Variants in ABLIM3 observed in about 807,000 individuals in gnomAD.
The protein encoded by ABLIM3 is actin-binding LIM protein 3.
Under a neutral mutation model 109.5 loss-of-function variants are expected in ABLIM3, and 61 were observed. That is an observed-to-expected ratio of 0.56 (90% CI 0.45 to 0.69). The LOEUF is 0.69. Ranked by LOEUF, ABLIM3 falls within the 30% of genes least tolerant of loss-of-function variation. The probability of loss-of-function intolerance (pLI) is 0.00; values close to 1 mark genes in which losing one functional copy is unlikely to be tolerated. For missense variants in ABLIM3, 796 were observed against 889.5 expected (o/e 0.89, Z 1.34); for synonymous variants, 300 against 324.8 (o/e 0.92, Z 0.82).
In ABLIM3 at chr5:149,251,526, G is replaced by A. The variant is rs1035494129; in HGVS notation, c.1849+107G>A. The A allele has an allele frequency of 2.1e-5, 27 of 1,311,630 alleles. No homozygotes were observed. The East Asian group carries it at 3.5e-4, about 17-fold the overall frequency. 81.2% of individuals were successfully genotyped at this position (1,311,630 alleles called of 1,614,324 possible). A position where few individuals can be genotyped will look rare whatever the true frequency, so the allele number is the denominator to read the frequency against. ...TGATGGCTACAGATTCTGTCCCCACGCTGGGCTGTGTCCAACCCTGAGTTC... is the reference window on the plus strand; with the variant it reads ...TGATGGCTACAGATTCTGTCCCCACACTGGGCTGTGTCCAACCCTGAGTTC... On this transcript the variant is annotated intron_variant, in intron 21 of 23. Transcript: ENST00000309868.
chr5:149,159,101 A>G (rs965788667), intron 2 of ABLIM3, among the ~76,000 whole-genome samples: 11 of 152,230 alleles, frequency 7.2e-5, no homozygotes, highest in African/African-American at 2.7e-4. Context: ...TTGATTCAAA[A>G]TAATCCAAAG....
chr5:149,146,831 G>C (rs1752975805), intron 2 of ABLIM3, among the ~76,000 whole-genome samples: 1 of 152,102 alleles, frequency 6.6e-6, no homozygotes, highest in Non-Finnish European at 1.5e-5. Context: ...TTTTAGAATT[G>C]TTTTTCTAAT....
At position 149,250,500 on chromosome 5, in the gene ABLIM3, C is replaced by T. The variant is rs972680490; in HGVS notation, c.1783C>T (p.His595Tyr). ...GCCTGCCTACCGAAGAAATGGGCTG[C>T]ACAGGGTAAGAAGCTGTGCTGGAGG... ...SLPAYRRNGLHRTPSADLFHY... is the reference protein window; with the variant it reads ...SLPAYRRNGLYRTPSADLFHY... Residue 595 changes from histidine (H) to tyrosine (Y), a missense_variant, in exon 20 of 24, where the codon CAC becomes TAC. Coordinates refer to ENST00000309868, the MANE Select transcript of ABLIM3 (RefSeq NM_014945.5). 1 of 1,614,076 alleles carries T rather than the reference C, an allele frequency of 6.2e-7. No homozygotes were observed. Among genetic ancestry groups the T allele is most frequent in the Admixed American group, 1.7e-5 (1 of 60,002 alleles).
intron 3 of ABLIM3, among the ~76,000 whole-genome samples, chr5:149,197,734 C>A (rs1049545293): frequency 2.0e-5 from 3 of 152,194 alleles, no homozygotes; most frequent in Non-Finnish European, 4.4e-5. Context: ...CTGAATGATT[C>A]TTTTATTACA....
intron 2 of ABLIM3, among the ~76,000 whole-genome samples, chr5:149,162,917 C>T (rs892945101): frequency 5.3e-5 from 8 of 152,170 alleles, no homozygotes; most frequent in Non-Finnish European, 1.2e-4. Context: ...GCATCTCTGG[C>T]GTGTCTGTTT....
intron 8 of ABLIM3, among the ~76,000 whole-genome samples, chr5:149,223,468 G>A (rs1467832088): frequency 1.3e-5 from 2 of 152,176 alleles, no homozygotes; most frequent in Non-Finnish European, 2.9e-5. Context: ...GACATTTTAG[G>A]TGACAGAAAC....
At chr5:149,205,037 G>T (rs749222356) in intron 5 of ABLIM3, among the ~76,000 whole-genome samples, 21 of 152,168 alleles carry the variant, frequency 1.4e-4, no homozygotes, top group Non-Finnish European at 2.5e-4. Flanking sequence ...TTTCTCCATG[G>T]AATCCACAAG....
At chr5:149,228,267 T>C (rs1350791006) in intron 8 of ABLIM3, among the ~76,000 whole-genome samples, 1 of 152,140 alleles carries the variant, frequency 6.6e-6, no homozygotes, top group African/African-American at 2.4e-5. Context: ...CTACAGAGAG[T>C]CATTAAAATC....
At chr5:149,159,689 T>C (rs1198976209) in intron 2 of ABLIM3, among the ~76,000 whole-genome samples, 2 of 152,214 alleles carry the variant, frequency 1.3e-5, no homozygotes, top group Non-Finnish European at 2.9e-5. Context: ...GGCTCCATCC[T>C]ATCAGCCTTG....
At chr5:149,150,168 A>G (rs1260360918) in intron 2 of ABLIM3, among the ~76,000 whole-genome samples, 1 of 152,186 alleles carries the variant, frequency 6.6e-6, no homozygotes, top group East Asian at 1.9e-4. Context: ...GGAAGCAGGC[A>G]GAACGGATCT....
chr5:149,152,362 A>G (rs1753511860), intron 2 of ABLIM3, among the ~76,000 whole-genome samples: 1 of 152,224 alleles, frequency 6.6e-6, no homozygotes, highest in African/African-American at 2.4e-5. Context: ...TCTGTTAATG[A>G]TTATGGGAGA....
chr5:149,254,551 G>A (rs533686383), intron 23 of ABLIM3, among the ~76,000 whole-genome samples: 13 of 152,184 alleles, frequency 8.5e-5, no homozygotes, highest in South Asian at 2.1e-4. Context: ...ACTTGATGGC[G>A]TGGAATTGGC....
At chr5:149,211,727 C>G (rs543802972) in intron 7 of ABLIM3, among the ~76,000 whole-genome samples, 32 of 151,628 alleles carry the variant, frequency 2.1e-4, no homozygotes, top group Non-Finnish European at 3.7e-4. Context: ...GTAGACTCAG[C>G]AGGAGGGGAT....
intron 3 of ABLIM3, among the ~76,000 whole-genome samples, chr5:149,190,501 G>A (rs1214824858): frequency 5.3e-5 from 8 of 152,038 alleles, no homozygotes; most frequent in African/African-American, 1.2e-4. Context: ...GCAACATAGC[G>A]AAGCCTCTTC....
intron 2 of ABLIM3, among the ~76,000 whole-genome samples, chr5:149,169,389 C>T (rs1010863808): frequency 1.3e-5 from 2 of 152,078 alleles, no homozygotes; most frequent in African/African-American, 4.8e-5. Context: ...GCAGTTCCAG[C>T]ATCACATGTG....
At chr5:149,242,859 G>A (rs1273320117) in intron 15 of ABLIM3, among the ~76,000 whole-genome samples, 1 of 152,154 alleles carries the variant, frequency 6.6e-6, no homozygotes, top group Non-Finnish European at 1.5e-5. Context: ...ACACTCCAAG[G>A]CATTAATACT....
intron 16 of ABLIM3, among the ~76,000 whole-genome samples, chr5:149,246,037 C>A (rs1351902804): frequency 6.6e-5 from 10 of 152,126 alleles, no homozygotes; most frequent in Non-Finnish European, 1.3e-4. Context: ...ATAGTGTATG[C>A]CTGTAGTCCC....
At chr5:149,175,223 G>C (rs989698115) in intron 2 of ABLIM3, among the ~76,000 whole-genome samples, 5 of 152,060 alleles carry the variant, frequency 3.3e-5, no homozygotes, top group Non-Finnish European at 5.9e-5. Flanking sequence ...GTAGCCGGAT[G>C]GTATTTTTGA....
chr5:149,210,030 G>A (rs748636718), intron 6 of ABLIM3, among the ~76,000 whole-genome samples: 9 of 152,204 alleles, frequency 5.9e-5, no homozygotes, highest in Non-Finnish European at 1.0e-4. Context: ...GGCAGAGCCC[G>A]AAGCAAAGCT....
Sources: allele counts gnomAD v4.1 joint callset (sites outside exome capture counted in the v4.1 genomes callset), GRCh38; gene constraint gnomAD v4.1.1; transcripts MANE v1.5; gene names NCBI Gene and HGNC (gene_info 2026-07-23, HGNC 2026-07-21).